TBL1X: variants seen among roughly 807,000 people sequenced by gnomAD.
TBL1X encodes the protein F-box-like/WD repeat-containing protein TBL1X.
Under a neutral mutation model 50.7 loss-of-function variants are expected in TBL1X, and 10 were observed. The observed-to-expected ratio is 0.20, with a 90% CI of 0.12 to 0.33. The LOEUF is 0.33. Among genes scored for constraint, TBL1X ranks in the 10% least tolerant of loss-of-function variants. The pLI is 1.00. For missense variants in TBL1X, 340 were observed against 504.4 expected, an observed-to-expected ratio of 0.67 and a Z score of 3.12; for synonymous variants, 190 against 214.7, an observed-to-expected ratio of 0.88 and a Z score of 1.01.
intron 1 of TBL1X, among the ~76,000 whole-genome samples, chrX:9,500,082 C>T (rs2081992511): frequency 9.3e-6 from 1 of 107,419 alleles, no homozygotes; most frequent in Non-Finnish European, 1.9e-5. Context: ...CCCAGGAGTT[C>T]GAGATTAGCA....
At chrX:9,671,015 G>A (rs1488253455) in intron 5 of TBL1X, among the ~76,000 whole-genome samples, 1 of 111,907 alleles carries the variant, frequency 8.9e-6, no homozygotes, top group Non-Finnish European at 1.9e-5. Context: ...AAAGTACCCT[G>A]AAACTCTGCA....
At chrX:9,714,278 A>G (rs933647444) in intron 16 of TBL1X, among the ~76,000 whole-genome samples, 1 of 112,485 alleles carries the variant, frequency 8.9e-6, no homozygotes, top group African/African-American at 3.2e-5. Context: ...ATGTCATGGC[A>G]TATTATTACA....
At chrX:9,544,681 G>A (rs964039241) in intron 2 of TBL1X, among the ~76,000 whole-genome samples, 8 of 111,407 alleles carry the variant, frequency 7.2e-5, no homozygotes, top group Non-Finnish European at 1.3e-4. Flanking sequence ...TCCTGCCTCT[G>A]CCTCCCGAGT....
intron 5 of TBL1X, among the ~76,000 whole-genome samples, chrX:9,675,822 C>T (rs2082990364): frequency 9.6e-6 from 1 of 103,687 alleles, no homozygotes; most frequent in Non-Finnish European, 1.9e-5. Context: ...ACCTGCGAGG[C>T]GGAGGTTGCA....
intron 2 of TBL1X, among the ~76,000 whole-genome samples, chrX:9,523,840 TAAAG>T (rs749327466): frequency 1.8e-5 from 2 of 111,071 alleles, no homozygotes; most frequent in African/African-American, 6.5e-5. Context: ...AGTAGAATCA[TAAAG>T]GAAGCGATTA....
chrX:9,714,500 G>A (rs1333871221), intron 16 of TBL1X, among the ~76,000 whole-genome samples: 1 of 111,477 alleles, frequency 9.0e-6, no homozygotes, highest in Non-Finnish European at 1.9e-5. Context: ...GGAAGGAGAC[G>A]GGAAGGGTAG....
At chrX:9,569,142 CTGCAGTG>C (rs1307720684) in intron 2 of TBL1X, among the ~76,000 whole-genome samples, 1 of 94,079 alleles carries the variant, frequency 1.1e-5, no homozygotes, top group Non-Finnish European at 2.1e-5. Context: ...TTGTGTCTAT[CTGCAGTG>C]TGCTGTGTGT....
Position 9,621,451 on chromosome X carries a change from A to T in TBL1X, c.-130-18822A>T, listed in dbSNP as rs759215074. 2.8e-3 allele frequency among the ~76,000 whole-genome samples: 316 copies of T among 112,039 alleles called. 1 individual carries two copies. Among genetic ancestry groups the T allele is most frequent in the African/African-American group, 9.9e-3 (305 of 30,815 alleles). ...GAATATACATTAATATCACTGTCTT[A>T]TTCTCACTGACTCCCCACCTTTTTA... On this transcript the variant is annotated intron_variant, in intron 2 of 17. Coordinates refer to ENST00000645353, the MANE Select transcript of TBL1X (RefSeq NM_005647.4).
At chrX:9,639,406 C>T (rs1405348963) in intron 2 of TBL1X, among the ~76,000 whole-genome samples, 3 of 111,095 alleles carry the variant, frequency 2.7e-5, no homozygotes, top group African/African-American at 9.8e-5. Flanking sequence ...TTCTTGAATT[C>T]GTAGATGATA....
chrX:9,707,743 C>T (rs2083217942), intron 13 of TBL1X, among the ~76,000 whole-genome samples: 2 of 112,328 alleles, frequency 1.8e-5, no homozygotes, highest in East Asian at 2.8e-4. Context: ...CACTCATAGA[C>T]ACCCATGCGT....
Position 9,533,645 on chromosome X carries a change from G to GCAGACCC in TBL1X, c.-131+31799_-131+31805dup, listed in dbSNP as rs748967639. 1.3e-4 allele frequency among the ~76,000 whole-genome samples: 14 copies of GCAGACCC among 111,189 alleles called. No homozygotes were observed. In the East Asian group the frequency reaches 3.7e-3, roughly 29 times the overall value. ...GGCAAAGAGGGACCTATCGCAGACA[G>GCAGACCC]CAGACCCCAAGTAAAGAAAGGCACA... On this transcript the variant is annotated intron_variant, in intron 2 of 17. Transcript: ENST00000645353.
intron 2 of TBL1X, among the ~76,000 whole-genome samples, chrX:9,566,205 C>T (rs1251036986): frequency 1.8e-5 from 2 of 111,729 alleles, no homozygotes; most frequent in Non-Finnish European, 3.8e-5. Flanking sequence ...GTGGGATGTT[C>T]CGCAGCATCT....
chrX:9,654,636 C>T (rs765929306), intron 5 of TBL1X, among the ~76,000 whole-genome samples: 1 of 111,519 alleles, frequency 9.0e-6, no homozygotes, highest in Non-Finnish European at 1.9e-5. Context: ...CATGCATGAG[C>T]TGGTGTGTGT....
Position 9,578,788 on chromosome X carries a change from G to T in TBL1X, c.-130-61485G>T, listed in dbSNP as rs765818861. 1.2e-4 allele frequency among the ~76,000 whole-genome samples: 14 copies of T among 112,110 alleles called. No homozygotes were observed. The East Asian group carries it at 3.6e-3, about 29-fold the overall frequency. On this transcript the variant is annotated intron_variant, in intron 2 of 17. Transcript: ENST00000645353. ...TTGCCAAACAGATAATATTGATGATGATAACAACAATGATAAAAGGAAACC... is the reference window on the plus strand; with the variant it reads ...TTGCCAAACAGATAATATTGATGATTATAACAACAATGATAAAAGGAAACC...
chrX:9,655,713 C>G (rs900553363), intron 5 of TBL1X, among the ~76,000 whole-genome samples: 1 of 111,854 alleles, frequency 8.9e-6, no homozygotes, highest in African/African-American at 3.2e-5. Flanking sequence ...CCCGTCCTCC[C>G]AGAGATGCAT....
At position 9,654,300 on chromosome X, in the gene TBL1X, G is replaced by A; in HGVS notation, c.189G>A (p.Val63=). ...SITSDEVNFL[V]YRYLQESGFS... is the part of the protein sequence containing the mutation. The stretch of plus-strand genomic sequence containing the variant: ...CCAGTGACGAGGTGAACTTTCTGGT[G>A]TATCGGTATCTCCAGGAGTCAGGTA... The change falls in exon 5 of 18, where the codon GTG becomes GTA. Residue 63 remains valine (V), a synonymous_variant. Transcript: ENST00000645353. 8.3e-7 allele frequency: 1 copy of A among 1,210,763 alleles called. No individual in the cohort carries two copies. The highest frequency in any genetic ancestry group is 1.1e-6 in the Non-Finnish European group (1 of 895,421).
intron 2 of TBL1X, among the ~76,000 whole-genome samples, chrX:9,551,374 C>T (rs2082270437): frequency 9.0e-6 from 1 of 110,875 alleles, no homozygotes; most frequent in African/African-American, 3.3e-5. Flanking sequence ...CGAACACGTT[C>T]TCATGCATTC....
intron 2 of TBL1X, among the ~76,000 whole-genome samples, chrX:9,579,810 C>T (rs1267882788): frequency 2.7e-5 from 3 of 110,711 alleles, no homozygotes; most frequent in African/African-American, 9.9e-5. Flanking sequence ...CCATTTCTCC[C>T]CTGTGCTGGA....
At chrX:9,664,762 C>G (rs1293521369) in intron 5 of TBL1X, among the ~76,000 whole-genome samples, 1 of 111,531 alleles carries the variant, frequency 9.0e-6, no homozygotes, top group African/African-American at 3.3e-5. Context: ...AATGCATTAA[C>G]TCAACATTTT....
Sources: allele counts gnomAD v4.1 joint callset (sites outside exome capture counted in the v4.1 genomes callset), GRCh38; gene constraint gnomAD v4.1.1; transcripts MANE v1.5; gene names NCBI Gene and HGNC (gene_info 2026-07-23, HGNC 2026-07-21).